The following KLHL2 variants were observed in gnomAD, a reference collection of about 807,000 sequenced individuals.
KLHL2 encodes the protein kelch-like protein 2.
A neutral mutation model predicts 75.8 loss-of-function variants in KLHL2; 15 were observed. That is an observed-to-expected ratio of 0.20 (90% CI 0.13 to 0.30). The LOEUF is 0.30. Among genes scored for constraint, KLHL2 ranks in the 10% least tolerant of loss-of-function variants. KLHL2 has a pLI of 1.00. For missense variants in KLHL2, 381 were observed against 741.0 expected (o/e 0.51, Z 5.64); for synonymous variants, 214 against 251.9 (o/e 0.85, Z 1.42).
At chr4:165,276,572 C>T (rs1250675647) in intron 5 of KLHL2, among the ~76,000 whole-genome samples, 3 of 151,822 alleles carry the variant, frequency 2.0e-5, no homozygotes, top group Non-Finnish European at 4.4e-5. Flanking sequence ...TAAAGATTGA[C>T]GTTAAGAAGC....
chr4:165,276,816 A>G (rs929551224), intron 5 of KLHL2, among the ~76,000 whole-genome samples: 12 of 152,138 alleles, frequency 7.9e-5, no homozygotes, highest in Non-Finnish European at 1.6e-4. Context: ...AACTTTTTTG[A>G]CATCCTCTTA....
intron 6 of KLHL2, among the ~76,000 whole-genome samples, chr4:165,295,884 T>G (rs903510610): frequency 6.6e-6 from 1 of 152,180 alleles, no homozygotes; most frequent in African/African-American, 2.4e-5. Context: ...TAAAGAAAAT[T>G]AACTGTATTG....
chr4:165,253,940 A>G (rs1230765914), intron 4 of KLHL2, among the ~76,000 whole-genome samples: 1 of 152,228 alleles, frequency 6.6e-6, no homozygotes, highest in Non-Finnish European at 1.5e-5. Flanking sequence ...TCCTCTGACT[A>G]GAGACGGGAT....
intron 5 of KLHL2, among the ~76,000 whole-genome samples, chr4:165,286,769 A>G (rs985698546): frequency 1.3e-5 from 2 of 152,242 alleles, no homozygotes; most frequent in Non-Finnish European, 2.9e-5. Flanking sequence ...AAGGTAGGAC[A>G]GCAGCCAAAC....
intron 9 of KLHL2, among the ~76,000 whole-genome samples, chr4:165,308,012 A>G (rs548004492): frequency 6.6e-6 from 1 of 152,240 alleles, no homozygotes; most frequent in South Asian, 2.1e-4. Context: ...GTTTTATTCT[A>G]AATTTTCTGT....
chr4:165,313,338 A>G lies in KLHL2; in HGVS notation c.1440A>G (p.Ala480=). Residue 480 remains alanine, a synonymous_variant, in exon 12 of 15, where the codon GCA becomes GCG. Transcript: ENST00000226725. ...CAACAAATGAGTGGACCTATATAGC[A>G]GAAATGAGCACCAGGCGGAGTGGAG... is the stretch of plus-strand genomic sequence containing the variant. ...NATTNEWTYI[A]EMSTRRSGAG... 1 of 1,550,032 alleles carries G rather than the reference A, an allele frequency of 6.5e-7. No homozygotes were observed. The highest frequency in any genetic ancestry group is 8.7e-7 in the Non-Finnish European group (1 of 1,154,004).
At chr4:165,316,213 T>G (rs1746578026) in intron 13 of KLHL2, among the ~76,000 whole-genome samples, 1 of 152,220 alleles carries the variant, frequency 6.6e-6, no homozygotes. Context: ...TGCAGTGGGA[T>G]GCTCTTTAAT....
At chr4:165,245,415 C>G (rs1222213735) in intron 4 of KLHL2, among the ~76,000 whole-genome samples, 1 of 152,086 alleles carries the variant, frequency 6.6e-6, no homozygotes, top group African/African-American at 2.4e-5. Context: ...ACACTCAAGC[C>G]TATAGCTCTT....
chr4:165,234,746 C>G (rs545405086), intron 3 of KLHL2, among the ~76,000 whole-genome samples: 12 of 150,656 alleles, frequency 8.0e-5, no homozygotes, highest in African/African-American at 1.5e-4. Flanking sequence ...TCCTGAGTAG[C>G]TGGGACTATA....
chr4:165,300,177 T>C (rs1196323783), intron 8 of KLHL2, among the ~76,000 whole-genome samples: 1 of 151,748 alleles, frequency 6.6e-6, no homozygotes, highest in Non-Finnish European at 1.5e-5. Context: ...TAATCTCTGC[T>C]ACTCAGGAGG....
intron 4 of KLHL2, among the ~76,000 whole-genome samples, chr4:165,260,219 T>G (rs1442857229): frequency 1.3e-5 from 2 of 152,178 alleles, no homozygotes; most frequent in Non-Finnish European, 2.9e-5. Flanking sequence ...AACTACATCA[T>G]AAAACCAAGG....
intron 3 of KLHL2, among the ~76,000 whole-genome samples, chr4:165,231,193 C>T (rs1738856293): frequency 6.6e-6 from 1 of 152,118 alleles, no homozygotes; most frequent in South Asian, 2.1e-4. Flanking sequence ...ATGGCTCACA[C>T]CTGTAATTCC....
chr4:165,296,585 C>T (rs1219574804), intron 6 of KLHL2, among the ~76,000 whole-genome samples: 3 of 152,070 alleles, frequency 2.0e-5, no homozygotes, highest in African/African-American at 7.3e-5. Context: ...TGGAGACTAG[C>T]TATCTGGTGG....
In KLHL2 at chr4:165,276,433, C is replaced by T. The variant is rs191341011; in HGVS notation, c.544+13074C>T. Reference sequence around the variant, plus strand: ...TCGTGAGCAGACTTCTCGAAGGGATCACTCCCCACAGCCCACTGGGAACCT... The same window carrying T: ...TCGTGAGCAGACTTCTCGAAGGGATTACTCCCCACAGCCCACTGGGAACCT... On this transcript the variant is annotated intron_variant, in intron 5 of 14. Transcript: ENST00000226725. Among the ~76,000 whole-genome samples, 582 of 152,182 alleles carry T rather than the reference C, an allele frequency of 3.8e-3. 2 individuals carry two copies. Among genetic ancestry groups the T allele is most frequent in the South Asian group, 0.02 (97 of 4,816 alleles).
chr4:165,238,485 C>T (rs1322140292), intron 3 of KLHL2, among the ~76,000 whole-genome samples: 2 of 152,188 alleles, frequency 1.3e-5, no homozygotes, highest in Non-Finnish European at 2.9e-5. Flanking sequence ...CAGGGACAGC[C>T]TCAGCTACTG....
chr4:165,279,790 G>C, intron 5 of KLHL2: 2 of 725,750 alleles, frequency 2.8e-6, no homozygotes, highest in Non-Finnish European at 2.5e-6. Flanking sequence ...TGGCTAGCAG[G>C]CTACTGCGTT....
At chr4:165,277,066 C>T (rs1221147063) in intron 5 of KLHL2, among the ~76,000 whole-genome samples, 1 of 152,094 alleles carries the variant, frequency 6.6e-6, no homozygotes, top group African/African-American at 2.4e-5. Context: ...GAAAAAAATT[C>T]TGGTAGATAT....
chr4:165,236,998 A>G (rs2111089008), intron 3 of KLHL2, among the ~76,000 whole-genome samples: 1 of 149,986 alleles, frequency 6.7e-6, no homozygotes, highest in East Asian at 2.0e-4. Flanking sequence ...AGTCACGCTT[A>G]ACTGAGTACT....
At chr4:165,306,212 C>T (rs1026433003) in intron 9 of KLHL2, among the ~76,000 whole-genome samples, 3 of 152,220 alleles carry the variant, frequency 2.0e-5, no homozygotes, top group Non-Finnish European at 4.4e-5. Flanking sequence ...GGGACTTAAA[C>T]TTGGATCCAT....
Sources: gnomAD v4.1 joint callset for allele counts (sites outside exome capture counted in the v4.1 genomes callset) on GRCh38, gnomAD v4.1.1 for gene constraint, MANE v1.5 for transcripts, NCBI Gene and HGNC (gene_info 2026-07-23, HGNC 2026-07-21) for gene names.